Variants in PDPN observed in about 807,000 individuals in gnomAD.
PDPN encodes podoplanin.
PDPN carries 12 observed loss-of-function variants against 23.2 expected under a neutral mutation model. The ratio of observed to expected loss-of-function variants is 0.52; its 90% CI spans 0.33 to 0.84. The LOEUF (loss-of-function observed/expected upper bound fraction) is 0.84. PDPN is among the 40% of genes least tolerant of loss of function. The pLI is 0.02. For synonymous variants in PDPN, 77 were observed against 76.7 expected (o/e 1.00, Z -0.02); for missense variants, 199 against 212.2 (o/e 0.94, Z 0.39).
At chr1:13,602,106 C>G (rs913818229) in intron 1 of PDPN, among the ~76,000 whole-genome samples, 1 of 151,872 alleles carries the variant, frequency 6.6e-6, no homozygotes. Context: ...GCGGGTGGAT[C>G]ACAAGGTCAG....
chr1:13,598,822 C>G (rs4661743), intron 1 of PDPN, among the ~76,000 whole-genome samples: 2 of 152,076 alleles, frequency 1.3e-5, no homozygotes, highest in Non-Finnish European at 1.5e-5. Context: ...TACCGAGTGC[C>G]TGGTATGTGC....
chr1:13,610,465 G>C lies in PDPN; in HGVS notation c.280G>C (p.Glu94Gln), dbSNP rs771813129. ...PTSESTVHAQ[E>Q]QSPSATASNV... The stretch of plus-strand genomic sequence containing the variant: ...TTCAGAAAGCACAGTCCACGCGCAA[G>C]AACAAAGTCCAAGCGCCACAGCCTC... Residue 94 changes from glutamate to glutamine, a missense_variant, in exon 3 of 6, where the codon GAA (glutamate) becomes CAA (glutamine). Physicochemically the swap from Glu to Gln is conservative, Grantham distance 29. Coordinates refer to ENST00000621990, the MANE Select transcript of PDPN (RefSeq NM_006474.5). 1 of 1,614,076 alleles carries C rather than the reference G, an allele frequency of 6.2e-7. No individual in the cohort carries two copies. Among genetic ancestry groups the C allele is most frequent in the South Asian group, 1.1e-5 (1 of 91,068 alleles).
chr1:13,609,377 TC>T (rs1226979366), intron 2 of PDPN, among the ~76,000 whole-genome samples: 2 of 152,176 alleles, frequency 1.3e-5, no homozygotes, highest in African/African-American at 2.4e-5. Flanking sequence ...CACATTATAG[TC>T]CCAGGGCTTG....
chr1:13,598,598 C>T (rs369689569), intron 1 of PDPN, among the ~76,000 whole-genome samples: 12 of 152,256 alleles, frequency 7.9e-5, no homozygotes, highest in Middle Eastern at 3.4e-3. Flanking sequence ...TCCCTTCACA[C>T]GCCAAATGCA....
chr1:13,614,640 T>C, intron 5 of PDPN: 1 of 451,352 alleles, frequency 2.2e-6, no homozygotes, highest in South Asian at 2.0e-5. Context: ...TACTTGGGCC[T>C]CTTGAGTGCA....
At chr1:13,610,267 A>G in intron 2 of PDPN, 120 bp from the exon 3 acceptor site, 2 of 745,228 alleles carry the variant, frequency 2.7e-6, no homozygotes, top group Non-Finnish European at 2.2e-6. Flanking sequence ...TCTACTTGCA[A>G]TTCATGCCAT....
At chr1:13,608,547 C>A (rs900492741) in intron 2 of PDPN, among the ~76,000 whole-genome samples, 1 of 152,184 alleles carries the variant, frequency 6.6e-6, no homozygotes, top group Non-Finnish European at 1.5e-5. Context: ...CCATGGCTGA[C>A]TTTTCCTTAT....
intron 1 of PDPN, among the ~76,000 whole-genome samples, chr1:13,591,183 G>A (rs1192700343): frequency 2.6e-5 from 4 of 151,918 alleles, no homozygotes; most frequent in Admixed American, 6.6e-5. Flanking sequence ...CTCGTGATCC[G>A]CCCACCTCAG....
chr1:13,608,890 A>G (rs531411956), intron 2 of PDPN, among the ~76,000 whole-genome samples: 59 of 152,196 alleles, frequency 3.9e-4, no homozygotes, highest in African/African-American at 1.4e-3. Flanking sequence ...CGGGAGGGGT[A>G]AATTACAGAA....
intron 1 of PDPN, chr1:13,595,967 G>A (rs1640485695): frequency 2.3e-6 from 2 of 886,278 alleles, no homozygotes; most frequent in African/African-American, 3.4e-5. Context: ...GGAGGCTGAG[G>A]CGGGCAGATC....
chr1:13,610,786 T>C (rs4391657), intron 3 of PDPN, among the ~76,000 whole-genome samples: 122,102 of 152,190 alleles, frequency 0.8, 49,207 homozygotes, highest in Admixed American at 0.85. Context: ...CATGGCGGAC[T>C]CCAAGTGGAT....
rs565477102 is a variant in PDPN at position 13,584,439 on chromosome 1, G to A, written c.67+339G>A. The A allele has an allele frequency of 6.3e-5, 51 of 812,004 alleles. 1 individual carries two copies. In the Admixed American group the frequency reaches 1.0e-3, roughly 16 times the overall value. 50.3% of individuals were successfully genotyped at this position (812,004 alleles called of 1,614,324 possible). On this transcript the variant is annotated intron_variant, in intron 1 of 5. Coordinates refer to ENST00000621990, the MANE Select transcript of PDPN (RefSeq NM_006474.5). ...GCCCCGCTTGCTGGCAGCAGTGGCT[G>A]GGGTTTCCTTCCCATAGAGCGGTGT...
At chr1:13,609,764 C>T (rs1640886787) in intron 2 of PDPN, among the ~76,000 whole-genome samples, 1 of 152,170 alleles carries the variant, frequency 6.6e-6, no homozygotes, top group African/African-American at 2.4e-5. Context: ...TCAGAATGTT[C>T]ATCCTTTTTA....
intron 5 of PDPN, among the ~76,000 whole-genome samples, chr1:13,615,487 C>T (rs1402552364): frequency 7.2e-5 from 11 of 151,984 alleles, no homozygotes; most frequent in African/African-American, 2.7e-4. Context: ...AGGGTTTCAC[C>T]ATGTTGGCCA....
intron 2 of PDPN, among the ~76,000 whole-genome samples, chr1:13,609,957 G>A (rs1187185666): frequency 6.6e-6 from 1 of 152,098 alleles, no homozygotes; most frequent in East Asian, 1.9e-4. Flanking sequence ...CCAGCTACTC[G>A]GGAGGCTGAG....
chr1:13,593,705 G>C (rs964727396), intron 1 of PDPN, among the ~76,000 whole-genome samples: 3 of 152,176 alleles, frequency 2.0e-5, no homozygotes, highest in African/African-American at 7.2e-5. Context: ...GGCATGCTCA[G>C]CTGACAGCCA....
chr1:13,608,410 C>T (rs948289975), intron 2 of PDPN, among the ~76,000 whole-genome samples: 1 of 152,162 alleles, frequency 6.6e-6, no homozygotes, highest in Non-Finnish European at 1.5e-5. Context: ...GCCTATCTGA[C>T]CTGTACACCA....
At chr1:13,604,081 T>TG (rs1640718280) in intron 1 of PDPN, among the ~76,000 whole-genome samples, 1 of 152,332 alleles carries the variant, frequency 6.6e-6, no homozygotes, top group African/African-American at 2.4e-5. Context: ...TATTGGTTTA[T>TG]GATGGCAAAT....
chr1:13,610,123 A>G (rs1009037856), intron 2 of PDPN, among the ~76,000 whole-genome samples: 3 of 152,232 alleles, frequency 2.0e-5, no homozygotes, highest in Admixed American at 1.3e-4. Flanking sequence ...TTGCATGTAT[A>G]GACCATACTG....
Sources: allele counts gnomAD v4.1 joint callset (sites outside exome capture counted in the v4.1 genomes callset), GRCh38; gene constraint gnomAD v4.1.1; transcripts MANE v1.5; gene names NCBI Gene and HGNC (gene_info 2026-07-23, HGNC 2026-07-21).